The following RAD51B variants were observed in gnomAD, a reference collection of about 807,000 sequenced individuals.
RAD51B encodes the protein RAD51 paralog B.
In RAD51B, 38 loss-of-function variants were observed where a neutral mutation model predicts 42.2. The ratio of observed to expected loss-of-function variants is 0.90; its 90% confidence interval spans 0.70 to 1.18. The LOEUF (loss-of-function observed/expected upper bound fraction) is 1.18. Among genes scored for constraint, RAD51B ranks in the 50% most tolerant of loss-of-function variants. The pLI, the probability that RAD51B is intolerant of heterozygous loss-of-function variation, is 0.00. For missense variants in RAD51B, 373 were observed against 400.7 expected, an observed-to-expected ratio of 0.93 and a Z score of 0.59; for synonymous variants, 154 against 145.2, an observed-to-expected ratio of 1.06 and a Z score of -0.43.
chr14:67,870,115 G>GC (rs2042473064), intron 5 of RAD51B, among the ~76,000 whole-genome samples: 1 of 149,680 alleles, frequency 6.7e-6, no homozygotes, highest in African/African-American at 2.5e-5. Context: ...TGGACTAAAT[G>GC]CTCCAATTAA....
intron 8 of RAD51B, among the ~76,000 whole-genome samples, chr14:68,325,385 T>G (rs891123219): frequency 6.6e-6 from 1 of 152,192 alleles, no homozygotes; most frequent in Non-Finnish European, 1.5e-5. Context: ...AGGTTATATT[T>G]TTGTGAAGTC....
At chr14:68,242,558 A>G (rs1360514237) in intron 7 of RAD51B, among the ~76,000 whole-genome samples, 3 of 152,192 alleles carry the variant, frequency 2.0e-5, no homozygotes, top group East Asian at 3.8e-4. Flanking sequence ...AGAGGAAGGT[A>G]GGGTACATAG....
At chr14:68,639,768 TG>T (rs1404611418) in intron 10 of RAD51B, among the ~76,000 whole-genome samples, 4 of 152,058 alleles carry the variant, frequency 2.6e-5, no homozygotes, top group African/African-American at 9.7e-5. Flanking sequence ...GGTTTTGTTT[TG>T]TTTTTTTTGT....
intron 7 of RAD51B, among the ~76,000 whole-genome samples, chr14:68,037,629 G>A (rs542037561): frequency 3.3e-5 from 5 of 152,168 alleles, no homozygotes; most frequent in Admixed American, 1.3e-4. Context: ...GTCATAAAGC[G>A]CAGGTTAGCA....
intron 7 of RAD51B, among the ~76,000 whole-genome samples, chr14:68,158,840 T>A (rs1461797562): frequency 6.6e-6 from 1 of 152,208 alleles, no homozygotes; most frequent in Non-Finnish European, 1.5e-5. Flanking sequence ...ATTGGCCACA[T>A]AGAGGTGCTG....
Position 67,865,115 on chromosome 14 carries a change from C to A in RAD51B, c.428C>A (p.Thr143Lys), listed in dbSNP as rs143457995. 6.2e-7 allele frequency: 1 copy of A among 1,602,290 alleles called. No individual in the cohort carries two copies. The highest frequency in any genetic ancestry group is 8.5e-7 in the Non-Finnish European group (1 of 1,174,820). ...GLEGAVVYIDTESAFSAERLV... is the reference protein window; with the variant it reads ...GLEGAVVYIDKESAFSAERLV... Reference sequence around the variant, plus strand: ...GAAGGAGCTGTGGTGTACATTGACACAGAGTCTGCATTTAGTGCTGAAAGG... The same window carrying A: ...GAAGGAGCTGTGGTGTACATTGACAAAGAGTCTGCATTTAGTGCTGAAAGG... The change falls in exon 5 of 11, where the codon ACA becomes AAA. Residue 143 changes from threonine to lysine, a missense_variant. Thr to Lys is a moderately conservative substitution (Grantham distance 78, BLOSUM62 -1). Transcript: ENST00000471583.
intron 5 of RAD51B, among the ~76,000 whole-genome samples, chr14:67,868,805 G>A (rs181865815): frequency 1.3e-3 from 189 of 146,830 alleles, no homozygotes; most frequent in South Asian, 3.3e-3. Flanking sequence ...CTAACTGGGA[G>A]GCATCCCTCA....
At chr14:67,974,666 A>G (rs961011583) in intron 7 of RAD51B, among the ~76,000 whole-genome samples, 7 of 152,150 alleles carry the variant, frequency 4.6e-5, no homozygotes, top group African/African-American at 1.7e-4. Flanking sequence ...ATACTTCACT[A>G]GATATTTAAT....
intron 10 of RAD51B, among the ~76,000 whole-genome samples, chr14:68,505,355 T>C (rs1461898299): frequency 6.6e-6 from 1 of 152,182 alleles, no homozygotes; most frequent in African/African-American, 2.4e-5. Context: ...TTGCAAGCAA[T>C]GGCTGCAGAC....
chr14:67,835,581 T>C (rs1404800674), intron 4 of RAD51B, among the ~76,000 whole-genome samples: 1 of 151,710 alleles, frequency 6.6e-6, no homozygotes, highest in Non-Finnish European at 1.5e-5. Flanking sequence ...ATATGTCATA[T>C]ATGTAATATG....
chr14:68,171,444 C>T (rs147849171), intron 7 of RAD51B, among the ~76,000 whole-genome samples: 2,375 of 149,806 alleles, frequency 0.016, 70 homozygotes, highest in African/African-American at 0.053. Flanking sequence ...GGATTACAGG[C>T]GCCCACCACC....
At chr14:68,070,611 T>A (rs1218417290) in intron 7 of RAD51B, among the ~76,000 whole-genome samples, 2 of 152,148 alleles carry the variant, frequency 1.3e-5, no homozygotes, top group Non-Finnish European at 2.9e-5. Context: ...TATTTCTGGA[T>A]TCTCTAACAT....
At chr14:67,848,818 C>CAA (rs143095716) in intron 4 of RAD51B, among the ~76,000 whole-genome samples, 3,720 of 152,142 alleles carry the variant, frequency 0.024, 74 homozygotes, top group African/African-American at 0.056. Flanking sequence ...TCTGAGAAGA[C>CAA]GAGATAAATT....
At chr14:68,341,579 C>T (rs2082573520) in intron 8 of RAD51B, among the ~76,000 whole-genome samples, 1 of 142,514 alleles carries the variant, frequency 7.0e-6, no homozygotes. Context: ...ATGTCATCAT[C>T]GTTTCTGCTG....
At chr14:67,970,488 C>G (rs117922362) in intron 7 of RAD51B, among the ~76,000 whole-genome samples, 2 of 151,218 alleles carry the variant, frequency 1.3e-5, no homozygotes, top group Non-Finnish European at 3.0e-5. Context: ...AGTGGTCTTA[C>G]CTTTTAGTTG....
intron 10 of RAD51B, among the ~76,000 whole-genome samples, chr14:68,524,860 C>T (rs1886821223): frequency 1.3e-5 from 2 of 152,368 alleles, no homozygotes; most frequent in African/African-American, 2.4e-5. Flanking sequence ...GTGGCAGAGA[C>T]CACCAGCTGC....
At chr14:68,407,587 C>T (rs534482204) in intron 8 of RAD51B, among the ~76,000 whole-genome samples, 40 of 152,184 alleles carry the variant, frequency 2.6e-4, no homozygotes, top group East Asian at 1.7e-3. Context: ...GTGCAGAGCA[C>T]GACTCTGTAT....
intron 7 of RAD51B, among the ~76,000 whole-genome samples, chr14:68,225,517 A>G (rs1169960814): frequency 6.6e-6 from 1 of 152,210 alleles, no homozygotes; most frequent in Non-Finnish European, 1.5e-5. Flanking sequence ...AATTTAGGGA[A>G]CTATTCTGCA....
At chr14:68,663,799 G>A (rs554755863) in intron 11 of RAD51B, among the ~76,000 whole-genome samples, 5 of 152,268 alleles carry the variant, frequency 3.3e-5, no homozygotes, top group African/African-American at 1.2e-4. Flanking sequence ...GATTTCCACC[G>A]CTTTCCAGCT....
Sources: allele counts gnomAD v4.1 joint callset (sites outside exome capture counted in the v4.1 genomes callset), GRCh38; gene constraint gnomAD v4.1.1; transcripts MANE v1.5; gene names NCBI Gene and HGNC (gene_info 2026-07-23, HGNC 2026-07-21).